RNF213: variants seen among roughly 807,000 people sequenced by gnomAD.
RNF213 encodes ring finger protein 213.
Under a neutral mutation model 514.4 loss-of-function variants are expected in RNF213, and 341 were observed. That is an observed-to-expected ratio of 0.66 (90% CI 0.61 to 0.73). The LOEUF (loss-of-function observed/expected upper bound fraction) is 0.73, where lower values mean the gene tolerates loss of function less well. Ranked by LOEUF, RNF213 falls within the 30% of genes least tolerant of loss-of-function variation. The pLI, the probability that RNF213 is intolerant of heterozygous loss-of-function variation, is 0.00. For synonymous variants in RNF213, 2,655 were observed against 2,658.2 expected, an observed-to-expected ratio of 1.00 and a Z score of 0.04; for missense variants, 5,767 against 6,615.6, an observed-to-expected ratio of 0.87 and a Z score of 4.45.
At position 80,363,756 on chromosome 17, in the gene RNF213, G is replaced by T; in HGVS notation, c.11716G>T (p.Gly3906Trp). 1 of 1,613,682 alleles carries T rather than the reference G, an allele frequency of 6.2e-7. No individual in the cohort carries two copies. Among genetic ancestry groups the T allele is most frequent in the Admixed American group, 1.7e-5 (1 of 59,998 alleles). Reference protein sequence around the residue: ...ICSDEHMQGSGSLAQAVIREV... With the variant: ...ICSDEHMQGSWSLAQAVIREV... ...CTCCGATGAGCACATGCAAGGCAGC[G>T]GGAGCCTGGCCCAGGCTGTCATCAG... The change falls in exon 41 of 68, where the codon GGG (glycine) becomes TGG (tryptophan). Residue 3906 changes from glycine (G) to tryptophan (W), a missense_variant. Coordinates refer to ENST00000582970, the MANE Select transcript of RNF213 (RefSeq NM_001256071.3).
chr17:80,337,380 C>T, intron 23 of RNF213: 1 of 614,896 alleles, frequency 1.6e-6, no homozygotes, highest in Non-Finnish European at 2.8e-6. Context: ...ACAGCGAGTA[C>T]AAAGCAGCAC....
At chr17:80,294,444 A>G (rs915034636) in intron 8 of RNF213, among the ~76,000 whole-genome samples, 5 of 152,212 alleles carry the variant, frequency 3.3e-5, no homozygotes, top group Non-Finnish European at 7.3e-5. Flanking sequence ...ATCCGTTGCA[A>G]GTCTCAGGCC....
At chr17:80,302,030 G>A (rs8077408) in intron 11 of RNF213, among the ~76,000 whole-genome samples, 3,008 of 152,258 alleles carry the variant, frequency 0.02, 42 homozygotes, top group Admixed American at 0.05. Context: ...TAAGCCAGGC[G>A]CAGAAAGAGA....
Position 80,353,528 on chromosome 17 carries a change from G to C in RNF213, c.10440G>C (p.Arg3480=). The C allele has an allele frequency of 6.2e-7, 1 of 1,611,796 alleles. No individual in the cohort carries two copies. Among genetic ancestry groups the C allele is most frequent in the African/African-American group, 1.3e-5 (1 of 75,032 alleles). The change falls in exon 34 of 68, where the codon CGG becomes CGC. Residue 3480 remains arginine, a synonymous_variant. Coordinates refer to ENST00000582970, the MANE Select transcript of RNF213 (RefSeq NM_001256071.3). This position sits in a 1 kb window ranked among gnomAD's most constrained non-coding sequence, Gnocchi z 5.0. ...CGACTGCAGTGGGCTTGGAACACCG[G>C]GCGGAAGACGGCCATGAGGAGGCGA... ...GDLPELGLEH[R]AEDGHEEAME...
chr17:80,358,933 A>G (rs1384959679), intron 37 of RNF213, among the ~76,000 whole-genome samples: 1 of 152,096 alleles, frequency 6.6e-6, no homozygotes, highest in Non-Finnish European at 1.5e-5. Context: ...GAAGTTTACG[A>G]AGCTCTGAGA....
In RNF213 at chr17:80,384,837, C is replaced by T. The variant is rs553124940; in HGVS notation, c.14323-202C>T. ...GAGGCTGGGCTCCCTCTTCGCCGCCCTCCATTTCTAGCACACTGCACTGTC... is the reference window on the plus strand; with the variant it reads ...GAGGCTGGGCTCCCTCTTCGCCGCCTTCCATTTCTAGCACACTGCACTGTC... On this transcript the variant is annotated intron_variant, in intron 59 of 67. Transcript: ENST00000582970. The T allele has an allele frequency of 1.2e-3, 773 of 639,868 alleles. 14 individuals are homozygous for T. In the South Asian group the frequency reaches 0.013, roughly 11 times the overall value. The allele number at this position is 639,868 out of a possible 1,614,324, so 39.6% of individuals were successfully genotyped here. A position where few individuals can be genotyped will look rare whatever the true frequency, so the allele number is the denominator to read the frequency against.
chr17:80,354,581 T>C lies in RNF213; in HGVS notation c.10862+5T>C, dbSNP rs2078660512. Reference sequence around the variant, plus strand: ...CCAGGAGGCGGGCACATTCAGGTACTGTGACTAAAGGAAGCAAGGAGTGGC... The same window carrying C: ...CCAGGAGGCGGGCACATTCAGGTACCGTGACTAAAGGAAGCAAGGAGTGGC... On this transcript the variant is annotated splice_donor_5th_base_variant and intron_variant, in intron 36 of 67. Transcript: ENST00000582970. 1 of 1,614,046 alleles carries C rather than the reference T, an allele frequency of 6.2e-7. No homozygotes were observed. Among genetic ancestry groups the C allele is most frequent in the Admixed American group, 1.7e-5 (1 of 60,016 alleles).
chr17:80,332,576 A>G lies in RNF213; in HGVS notation c.4088A>G (p.Lys1363Arg), dbSNP rs767605762. 9 of 1,533,304 alleles carry G rather than the reference A, an allele frequency of 5.9e-6. No homozygotes were observed. The South Asian group carries it at 9.5e-5, about 16-fold the overall frequency. The allele number at this position is 1,533,304 out of a possible 1,614,324, so 95.0% of individuals were successfully genotyped here. A position where few individuals can be genotyped will look rare whatever the true frequency, so the allele number is the denominator to read the frequency against. ...GCAGCCAAGGTCATCTTGCAGGTCA[A>G]AGAGAGCCTGGGACTGAACGGTGAC... The part of the protein sequence containing the change: ...VHAAKVILQV[K>R]ESLGLNGDFS... The change falls in exon 21 of 68, where the codon AAA (lysine) becomes AGA (arginine). Residue 1363 changes from lysine to arginine, a missense_variant. Transcript: ENST00000582970.
At chr17:80,335,415 G>C (rs1266797990) in intron 22 of RNF213, among the ~76,000 whole-genome samples, 1 of 152,146 alleles carries the variant, frequency 6.6e-6, no homozygotes, top group Admixed American at 6.5e-5. Flanking sequence ...CTCAGGCTCT[G>C]GCTCTCTTGG....
intron 18 of RNF213, 47 bp from the exon 19 acceptor site, chr17:80,327,769 A>C: frequency 6.8e-7 from 1 of 1,462,332 alleles, no homozygotes; most frequent in Non-Finnish European, 9.2e-7. Context: ...GCAAAGAGGC[A>C]GGAGGTGGGG....
Position 80,354,462 on chromosome 17 carries a change from A to C in RNF213, c.10748A>C (p.Lys3583Thr), listed in dbSNP as rs2078655549. Residue 3583 changes from lysine to threonine, a missense_variant, in exon 36 of 68, where the codon AAG (lysine) becomes ACG (threonine). Around this residue, in one of 13 missense-constraint regions of RNF213, gnomAD observed 919 missense variants for 1,121.0 expected, o/e 0.82. Transcript: ENST00000582970. ...ACHASFLRVS[K>T]MRLSVFLKKQ... ...ACAGCCTCTTTCTTGCGGGTATCCA[A>C]GATGCGCCTCAGTGTCTTTTTAAAG... The C allele has an allele frequency of 6.2e-7, 1 of 1,614,230 alleles. No homozygotes were observed.
In RNF213 at chr17:80,337,608, A is replaced by C. The variant is rs1439678008; in HGVS notation, c.4550A>C (p.Glu1517Ala). ...RKLCDSARNL[E>A]WLKTVNESHG... ...TAGTGTGACTCCGCCAGGAACTTGG[A>C]ATGGCTGAAGACTGTGAATGAGAGT... is the stretch of plus-strand genomic sequence containing the variant. The change falls in exon 24 of 68, where the codon GAA becomes GCA. Residue 1517 changes from glutamate to alanine, a missense_variant. Transcript: ENST00000582970. 6.5e-7 allele frequency: 1 copy of C among 1,537,298 alleles called. No individual in the cohort carries two copies. The highest frequency in any genetic ancestry group is 2.0e-5 in the Admixed American group (1 of 51,004).
rs1321156693 is a variant in RNF213, at chr17:80,363,283, G to A, written c.11537G>A (p.Arg3846His). ...PQVLHSLMEA[R>H]WNHELAGCEM... ...GTTCTCCACAGCCTGATGGAAGCCC[G>A]TTGGAACCATGAGCTGGCTGGATGT... The change falls in exon 40 of 68, where the codon CGT (arginine) becomes CAT (histidine). Residue 3846 changes from arginine to histidine, a missense_variant. Transcript: ENST00000582970. 10 of 1,613,824 alleles carry A rather than the reference G, an allele frequency of 6.2e-6. No homozygotes were observed. Among genetic ancestry groups the A allele is most frequent in the South Asian group, 3.3e-5 (3 of 91,088 alleles).
intron 13 of RNF213, 69 bp downstream of exon 13, chr17:80,307,270 A>G (rs2143588925): frequency 7.5e-7 from 1 of 1,338,092 alleles, no homozygotes; most frequent in Non-Finnish European, 1.1e-6. Flanking sequence ...GACCCCTATA[A>G]TTGGCCGTGA....
rs370699905 is a variant in RNF213, at chr17:80,372,640, C to T, written c.12657C>T (p.Asn4219=). 2.2e-4 allele frequency: 361 copies of T among 1,614,068 alleles called. 2 individuals carry two copies. The South Asian group carries it at 3.6e-3, about 16-fold the overall frequency. ...CAAGCCGGGGCCGAGAGCCTGCCAA[C>T]GAGGCCTCGGTTGAATACCTGCAAG... is the stretch of plus-strand genomic sequence containing the variant. ...SPASRGREPA[N]EASVEYLQEV... The change falls in exon 48 of 68, where the codon AAC becomes AAT. Residue 4219 remains asparagine, a synonymous_variant. Coordinates refer to ENST00000582970, the MANE Select transcript of RNF213 (RefSeq NM_001256071.3).
In RNF213 at chr17:80,353,420, G is replaced by C. The variant is rs1405104366; in HGVS notation, c.10424-92G>C. 7.0e-7 allele frequency: 1 copy of C among 1,424,550 alleles called. No homozygotes were observed. Among genetic ancestry groups the C allele is most frequent in the East Asian group, 2.5e-5 (1 of 40,382 alleles). The allele number at this position is 1,424,550 out of a possible 1,614,324, so 88.2% of individuals were successfully genotyped here. On this transcript the variant is annotated intron_variant, in intron 33 of 67. Transcript: ENST00000582970. This position sits in a 1 kb window ranked among gnomAD's most constrained non-coding sequence, Gnocchi z 5.0. ...CAGGGGCCGGGGAAGCCTGCACTCG[G>C]AGGCTGAGCACACAGACTCCCAGAT...
In RNF213 at chr17:80,284,774, C is replaced by T. The variant is rs987941903; in HGVS notation, c.262-3041C>T. ...ACTCCCTCGTGCCACACAGTGGCTT[C>T]CCCTGTGATCCACCTGCTACTCTGT... is the stretch of plus-strand genomic sequence containing the variant. On this transcript the variant is annotated intron_variant, in intron 3 of 67. Transcript: ENST00000582970. Among the ~76,000 whole-genome samples the T allele has an allele frequency of 1.1e-4, 17 of 152,296 alleles. No homozygotes were observed. The East Asian group carries it at 1.5e-3, about 14-fold the overall frequency.
intron 22 of RNF213, among the ~76,000 whole-genome samples, chr17:80,335,657 G>A (rs191357734): frequency 2.6e-5 from 4 of 152,224 alleles, no homozygotes; most frequent in Admixed American, 6.5e-5. Flanking sequence ...GCTCAGGAAC[G>A]GCAAGATATC....
chr17:80,319,334 G>A (rs752403171), intron 17 of RNF213, 22 bp downstream of exon 17: 3 of 1,614,210 alleles, frequency 1.9e-6, no homozygotes, highest in East Asian at 2.2e-5. Flanking sequence ...CTCCTCCTGG[G>A]AAACGGATTC....
Sources: allele counts gnomAD v4.1 joint callset (sites outside exome capture counted in the v4.1 genomes callset), GRCh38; gene constraint gnomAD v4.1.1; regional missense constraint gnomAD v4.1.1; non-coding constraint Gnocchi (gnomAD v3.1); transcripts MANE v1.5; gene names NCBI Gene and HGNC (gene_info 2026-07-23, HGNC 2026-07-21).